MINDY4: variants seen among roughly 807,000 people sequenced by gnomAD.
MINDY4 encodes MINDY lysine 48 deubiquitinase 4.
In MINDY4, 68 loss-of-function variants were observed where a neutral mutation model predicts 87.0. The observed-to-expected ratio is 0.78, with a 90% CI of 0.64 to 0.96. The LOEUF is 0.96. Ranked by LOEUF, MINDY4 falls within the 40% of genes least tolerant of loss-of-function variation. The pLI is 0.00. For synonymous variants in MINDY4, 379 were observed against 363.2 expected, an observed-to-expected ratio of 1.04 and a Z score of -0.50; for missense variants, 919 against 928.2, an observed-to-expected ratio of 0.99 and a Z score of 0.13.
At chr7:30,853,489 G>A (rs1039045739) in intron 12 of MINDY4, 30 bp downstream of exon 12, 8 of 1,559,048 alleles carry the variant, frequency 5.1e-6, no homozygotes, top group Non-Finnish European at 7.0e-6. Context: ...CCTGTGGGAT[G>A]TGCGTCACTA....
At chr7:30,792,231 G>C (rs1394919957) in intron 5 of MINDY4, among the ~76,000 whole-genome samples, 1 of 152,178 alleles carries the variant, frequency 6.6e-6, no homozygotes, top group Non-Finnish European at 1.5e-5. Flanking sequence ...TACATCCTAA[G>C]AATAAATCCC....
chr7:30,883,199 G>A (rs2128582114), intron 17 of MINDY4, among the ~76,000 whole-genome samples: 1 of 152,256 alleles, frequency 6.6e-6, no homozygotes, highest in East Asian at 1.9e-4. Flanking sequence ...GTGGTGATGC[G>A]TCTTTAGACA....
At chr7:30,841,114 T>TC (rs72155058) in intron 9 of MINDY4, among the ~76,000 whole-genome samples, 8,362 of 151,934 alleles carry the variant, frequency 0.055, 388 homozygotes, top group African/African-American at 0.11. Context: ...AAAACCAATT[T>TC]CCCTCCTCAG....
At chr7:30,839,036 A>G (rs1309316066) in intron 7 of MINDY4, among the ~76,000 whole-genome samples, 164 bp from the exon 8 acceptor site, 3 of 152,208 alleles carry the variant, frequency 2.0e-5, no homozygotes, top group South Asian at 2.1e-4. Flanking sequence ...CATCAAATAT[A>G]AGAAGAATGA....
intron 17 of MINDY4, 139 bp from the exon 18 acceptor site, chr7:30,891,818 G>A (rs533034145): frequency 4.4e-5 from 35 of 798,424 alleles, no homozygotes; most frequent in Non-Finnish European, 7.2e-5. Context: ...AATTTGGAGG[G>A]GTGAGATGAG....
intron 9 of MINDY4, among the ~76,000 whole-genome samples, chr7:30,841,920 T>C (rs1203408316): frequency 6.6e-6 from 1 of 152,214 alleles, no homozygotes; most frequent in Non-Finnish European, 1.5e-5. Flanking sequence ...TGAGAATCTT[T>C]TTTAAAAAAG....
intron 15 of MINDY4, among the ~76,000 whole-genome samples, chr7:30,876,572 G>C (rs1790265077): frequency 6.6e-6 from 1 of 152,194 alleles, no homozygotes; most frequent in Non-Finnish European, 1.5e-5. Flanking sequence ...ATGGGTGACT[G>C]TACCTCTGGA....
chr7:30,836,610 C>T (rs1788865247), intron 6 of MINDY4, 48 bp from the exon 7 acceptor site: 1 of 1,455,498 alleles, frequency 6.9e-7, no homozygotes, highest in Non-Finnish European at 9.6e-7. Context: ...ATGTTCTGTT[C>T]TCCGTGAGTC....
At chr7:30,823,102 C>G (rs1231801905) in intron 5 of MINDY4, among the ~76,000 whole-genome samples, 2 of 151,934 alleles carry the variant, frequency 1.3e-5, no homozygotes, top group Admixed American at 1.3e-4. Context: ...TGTATATTTC[C>G]TGTTACATCA....
chr7:30,833,422 C>T (rs747195473), intron 6 of MINDY4, among the ~76,000 whole-genome samples: 2 of 152,224 alleles, frequency 1.3e-5, no homozygotes, highest in Non-Finnish European at 2.9e-5. Context: ...CTCACTATCA[C>T]AAGACCAGCA....
intron 1 of MINDY4, among the ~76,000 whole-genome samples, chr7:30,777,292 A>T (rs12671080): frequency 0.039 from 5,893 of 152,186 alleles, 217 homozygotes; most frequent in East Asian, 0.17. Context: ...AGAATTATCC[A>T]TCAGAGAGAG....
intron 6 of MINDY4, 66 bp from the exon 7 acceptor site, chr7:30,836,592 G>C: frequency 7.8e-7 from 1 of 1,288,126 alleles, no homozygotes; most frequent in African/African-American, 1.5e-5. Flanking sequence ...GTGGTGTTCA[G>C]TGACTTCATG....
At chr7:30,884,310 G>A (rs1018773081) in intron 17 of MINDY4, among the ~76,000 whole-genome samples, 7 of 152,182 alleles carry the variant, frequency 4.6e-5, no homozygotes, top group African/African-American at 1.7e-4. Context: ...CCATCCGTTC[G>A]TCCATCCACC....
At chr7:30,804,620 G>C (rs1381972901) in intron 5 of MINDY4, among the ~76,000 whole-genome samples, 1 of 152,160 alleles carries the variant, frequency 6.6e-6, no homozygotes, top group Non-Finnish European at 1.5e-5. Context: ...TAATTATGCT[G>C]TCGATATCTG....
chr7:30,815,242 A>T (rs1423963147), intron 5 of MINDY4, among the ~76,000 whole-genome samples: 1 of 152,230 alleles, frequency 6.6e-6, no homozygotes, highest in Non-Finnish European at 1.5e-5. Context: ...CATGCCAAGG[A>T]TGACTTTAGA....
chr7:30,884,821 G>A (rs1289658529), intron 17 of MINDY4, among the ~76,000 whole-genome samples: 1 of 152,214 alleles, frequency 6.6e-6, no homozygotes, highest in Non-Finnish European at 1.5e-5. Context: ...GATCGACCTG[G>A]GGCCTTGGTC....
intron 5 of MINDY4, among the ~76,000 whole-genome samples, chr7:30,809,439 A>G (rs1434801196): frequency 6.6e-6 from 1 of 151,594 alleles, no homozygotes; most frequent in East Asian, 1.9e-4. Flanking sequence ...TTAACCCAGC[A>G]GGTTTCCTAA....
At chr7:30,846,773 G>A (rs1264511271) in intron 9 of MINDY4, among the ~76,000 whole-genome samples, 3 of 151,654 alleles carry the variant, frequency 2.0e-5, no homozygotes, top group Admixed American at 2.0e-4. Flanking sequence ...GGTGGGGGTG[G>A]GATGGTTTCG....
At position 30,836,674 on chromosome 7, in the gene MINDY4, G is replaced by A. The variant is rs1402867408; in HGVS notation, c.1149G>A (p.Glu383=). The A allele has an allele frequency of 4.3e-6, 7 of 1,614,120 alleles. No homozygotes were observed. The highest frequency in any genetic ancestry group is 1.1e-5 in the South Asian group (1 of 91,076). The change falls in exon 7 of 18, where the codon GAG becomes GAA. Residue 383 remains glutamate, a synonymous_variant. Coordinates refer to ENST00000265299, the MANE Select transcript of MINDY4 (RefSeq NM_032222.3). ...GALRLEDVED[E]LIREEVILSP... ...TTCTTTCAGAGGATGTGGAGGATGA[G>A]TTGATAAGGGAAGAGGTCATCCTGT...
Sources: gnomAD v4.1 joint callset for allele counts (sites outside exome capture counted in the v4.1 genomes callset) on GRCh38, gnomAD v4.1.1 for gene constraint, MANE v1.5 for transcripts, NCBI Gene and HGNC (gene_info 2026-07-23, HGNC 2026-07-21) for gene names.